The following NEGR1 variants were observed in gnomAD, a reference collection of about 807,000 sequenced individuals.
The protein encoded by NEGR1 is IgLON family member 4.
NEGR1 carries 10 observed loss-of-function variants against 40.9 expected under a neutral mutation model. The ratio of observed to expected loss-of-function variants is 0.24; its 90% confidence interval spans 0.15 to 0.42. The LOEUF is 0.42. Among genes scored for constraint, NEGR1 ranks in the 10% least tolerant of loss-of-function variants. The probability of loss-of-function intolerance (pLI) is 1.00; values close to 1 mark genes in which losing one functional copy is unlikely to be tolerated. For synonymous variants in NEGR1, 185 were observed against 166.8 expected (o/e 1.11, Z -0.84); for missense variants, 352 against 438.9 (o/e 0.80, Z 1.77).
At chr1:71,852,587 C>T (rs1659639385) in intron 2 of NEGR1, among the ~76,000 whole-genome samples, 1 of 152,010 alleles carries the variant, frequency 6.6e-6, no homozygotes, top group Non-Finnish European at 1.5e-5. Context: ...GAGTGTGCAA[C>T]ATTTCCAGAC....
intron 1 of NEGR1, among the ~76,000 whole-genome samples, chr1:72,040,584 A>C (rs1646944052): frequency 7.4e-6 from 1 of 134,578 alleles, no homozygotes; most frequent in African/African-American, 3.2e-5. Flanking sequence ...GACCAAAAAA[A>C]AAAAAAAAAA....
chr1:72,185,019 T>G (rs1024836087), intron 1 of NEGR1, among the ~76,000 whole-genome samples: 1 of 151,922 alleles, frequency 6.6e-6, no homozygotes, highest in East Asian at 1.9e-4. Flanking sequence ...AACATCTTAT[T>G]TTTAAAGCCA....
chr1:72,124,025 T>C (rs989278530), intron 1 of NEGR1, among the ~76,000 whole-genome samples: 2 of 152,066 alleles, frequency 1.3e-5, no homozygotes, highest in Admixed American at 6.6e-5. Context: ...ATCATTTATA[T>C]AGTTTGTATA....
intron 3 of NEGR1, among the ~76,000 whole-genome samples, chr1:71,744,792 A>T (rs1301077971): frequency 6.6e-6 from 1 of 152,198 alleles, no homozygotes; most frequent in Non-Finnish European, 1.5e-5. Context: ...CTATATTAAA[A>T]ATCATTATTC....
chr1:71,674,511 T>C (rs946629772), intron 4 of NEGR1, among the ~76,000 whole-genome samples: 1 of 152,104 alleles, frequency 6.6e-6, no homozygotes, highest in African/African-American at 2.4e-5. Flanking sequence ...ATTAGCTATA[T>C]AACAATTCTA....
intron 1 of NEGR1, among the ~76,000 whole-genome samples, chr1:72,149,892 AAAAAAAAAAG>A: frequency 6.7e-6 from 1 of 150,256 alleles, no homozygotes; most frequent in Non-Finnish European, 1.5e-5. Context: ...AAAAAAAAAA[AAAAAAAAAAG>A]AAAGAAAGAA....
At chr1:71,508,414 C>T (rs1463970312) in intron 6 of NEGR1, among the ~76,000 whole-genome samples, 1 of 152,168 alleles carries the variant, frequency 6.6e-6, no homozygotes, top group Non-Finnish European at 1.5e-5. Context: ...ACAAAGAAAA[C>T]ATGGGCTGGC....
At chr1:71,664,353 T>C (rs1652169434) in intron 4 of NEGR1, among the ~76,000 whole-genome samples, 1 of 152,216 alleles carries the variant, frequency 6.6e-6, no homozygotes, top group South Asian at 2.1e-4. Context: ...GAACATGATG[T>C]TTCTGAATTT....
intron 2 of NEGR1, among the ~76,000 whole-genome samples, chr1:71,912,146 G>C (rs78345066): frequency 0.016 from 2,363 of 152,216 alleles, 46 homozygotes; most frequent in South Asian, 0.1. Context: ...AAGTCCAATA[G>C]TAGTCCTACA....
chr1:71,481,520 T>A (rs546392401), intron 6 of NEGR1, among the ~76,000 whole-genome samples: 2 of 152,008 alleles, frequency 1.3e-5, no homozygotes, highest in Admixed American at 1.3e-4. Flanking sequence ...CACTGAACCA[T>A]ACCTATTGAA....
At chr1:72,106,777 G>T (rs1210028875) in intron 1 of NEGR1, among the ~76,000 whole-genome samples, 2 of 151,884 alleles carry the variant, frequency 1.3e-5, no homozygotes, top group Non-Finnish European at 2.9e-5. Context: ...CCAAAGTTTG[G>T]ATAAATCTTT....
chr1:71,926,624 G>A (rs1483072646), intron 2 of NEGR1, among the ~76,000 whole-genome samples: 4 of 145,432 alleles, frequency 2.8e-5, no homozygotes, highest in African/African-American at 7.6e-5. Flanking sequence ...GATGGAAGCC[G>A]ACAATGTGTG....
intron 1 of NEGR1, among the ~76,000 whole-genome samples, chr1:72,271,538 T>C (rs578206701): frequency 1.1e-4 from 17 of 152,034 alleles, no homozygotes; most frequent in Admixed American, 5.9e-4. Context: ...CCTGACCCAA[T>C]TGCAGGCCAA....
intron 2 of NEGR1, among the ~76,000 whole-genome samples, chr1:71,872,485 C>T (rs541610880): frequency 3.3e-5 from 5 of 152,258 alleles, no homozygotes; most frequent in African/African-American, 1.2e-4. Flanking sequence ...GTGCCACTCC[C>T]TGTTTAGGTG....
At chr1:71,961,893 CT>C (rs1300245696) in intron 1 of NEGR1, among the ~76,000 whole-genome samples, 2 of 151,996 alleles carry the variant, frequency 1.3e-5, no homozygotes, top group East Asian at 1.9e-4. Context: ...AGCCACATAA[CT>C]TCTCTAAGCT....
At chr1:71,979,340 T>C (rs1470136227) in intron 1 of NEGR1, among the ~76,000 whole-genome samples, 2 of 151,984 alleles carry the variant, frequency 1.3e-5, no homozygotes, top group Non-Finnish European at 2.9e-5. Flanking sequence ...AACCAGCATA[T>C]GTATTCCTGA....
intron 6 of NEGR1, among the ~76,000 whole-genome samples, chr1:71,542,287 C>T (rs1647732907): frequency 6.6e-6 from 1 of 151,648 alleles, no homozygotes; most frequent in African/African-American, 2.4e-5. Flanking sequence ...TTTCCATATT[C>T]GAATCATATG....
intron 2 of NEGR1, among the ~76,000 whole-genome samples, chr1:71,808,227 T>C (rs11209847): frequency 0.012 from 1,757 of 152,212 alleles, 39 homozygotes; most frequent in African/African-American, 0.04. Flanking sequence ...CTGAATCCAA[T>C]CAAAAGAAAT....
intron 6 of NEGR1, among the ~76,000 whole-genome samples, chr1:71,465,603 G>T (rs549771354): frequency 6.6e-6 from 1 of 152,100 alleles, no homozygotes; most frequent in East Asian, 1.9e-4. Flanking sequence ...TTGGATACAA[G>T]ACTCAACTTA....
Sources: gnomAD v4.1 joint callset for allele counts (sites outside exome capture counted in the v4.1 genomes callset) on GRCh38, gnomAD v4.1.1 for gene constraint, MANE v1.5 for transcripts, NCBI Gene and HGNC (gene_info 2026-07-23, HGNC 2026-07-21) for gene names.